ZSCAN20: variants seen among roughly 807,000 people sequenced by gnomAD.
ZSCAN20 encodes zinc finger and SCAN domain containing 20, also known as zinc finger and SCAN domain-containing protein 20.
Under a neutral mutation model 97.1 loss-of-function variants are expected in ZSCAN20, and 39 were observed. That is an observed-to-expected ratio of 0.40 (90% CI 0.31 to 0.52). The LOEUF is 0.52. Ranked by LOEUF, ZSCAN20 falls within the 20% of genes least tolerant of loss-of-function variation. ZSCAN20 has a pLI of 0.49. For missense variants in ZSCAN20, 1,115 were observed against 1,290.4 expected (o/e 0.86, Z 2.08); for synonymous variants, 456 against 467.3 (o/e 0.98, Z 0.31).
rs550161988 is a variant in ZSCAN20, at chr1:33,500,945, C to T, written c.*5469C>T. On this transcript the variant is annotated 3_prime_UTR_variant, in exon 8 of 8. Transcript: ENST00000684572. ...GCACAAAGGAGAAAGGAGTCTTCTC[C>T]TTCCACATAGAACACACTTGGCTTC... is the stretch of plus-strand genomic sequence containing the variant. 1.2e-4 allele frequency among the ~76,000 whole-genome samples: 17 copies of T among 147,092 alleles called. No homozygotes were observed. Among genetic ancestry groups the T allele is most frequent in the African/African-American group, 3.5e-4 (13 of 36,758 alleles).
Position 33,493,210 on chromosome 1 carries a change from G to A in ZSCAN20, c.1468G>A (p.Glu490Lys). ...AGCAGGTGTGCACTGGGGCTATGAG[G>A]AGACCAAGGCCTTCCTGGCAATTCT... ...RIAGVHWGYE[E>K]TKAFLAILSE... The change falls in exon 7 of 8, where the codon GAG becomes AAG. Residue 490 changes from glutamate (E) to lysine (K), a missense_variant. Around this residue, in one of 3 missense-constraint regions of ZSCAN20, gnomAD observed 508 missense variants for 611.2 expected, o/e 0.83. Transcript: ENST00000684572. The surrounding 1 kb of genome is among the most constrained non-coding windows in gnomAD (Gnocchi z 4.3). 6.2e-7 allele frequency: 1 copy of A among 1,614,084 alleles called. No individual in the cohort carries two copies. The highest frequency in any genetic ancestry group is 8.5e-7 in the Non-Finnish European group (1 of 1,179,972).
At chr1:33,489,255 T>G in intron 4 of ZSCAN20, 64 bp downstream of exon 4, 2 of 1,518,510 alleles carry the variant, frequency 1.3e-6, no homozygotes, top group Non-Finnish European at 1.8e-6. Context: ...CCCCACAGTG[T>G]TCCTCCTCTC....
At position 33,491,806 on chromosome 1, in the gene ZSCAN20, C is replaced by CACT; in HGVS notation, c.1444+106_1444+108dup. On this transcript the variant is annotated intron_variant, in intron 6 of 7. Coordinates refer to ENST00000684572, the MANE Select transcript of ZSCAN20 (RefSeq NM_001377376.1). The surrounding 1 kb of genome is among the most constrained non-coding windows in gnomAD (Gnocchi z 4.3). ...ACAGGCTGCAAGTCTGGATTGAAGCCACTAGAGTGAAGAGCTACATTCCTT... is the reference window on the plus strand; with the variant it reads ...ACAGGCTGCAAGTCTGGATTGAAGCCACTACTAGAGTGAAGAGCTACATTCCTT... 8.2e-7 allele frequency: 1 copy of CACT among 1,218,532 alleles called. No individual in the cohort carries two copies. The highest frequency in any genetic ancestry group is 1.1e-6 in the Non-Finnish European group (1 of 883,812). 75.5% of individuals were successfully genotyped at this position (1,218,532 alleles called of 1,614,324 possible). A position where few individuals can be genotyped will look rare whatever the true frequency, so the allele number is the denominator to read the frequency against.
intron 5 of ZSCAN20, among the ~76,000 whole-genome samples, 176 bp from the exon 6 acceptor site, chr1:33,490,849 A>T (rs191398808): frequency 2.0e-5 from 3 of 152,194 alleles, no homozygotes; most frequent in African/African-American, 7.2e-5. Context: ...AACATTTCTC[A>T]TATATTGGTC....
In ZSCAN20 at chr1:33,496,848, G is replaced by T. The variant is rs1652880198; in HGVS notation, c.*1372G>T. Among the ~76,000 whole-genome samples the T allele has an allele frequency of 6.6e-6, 1 of 152,194 alleles. No individual in the cohort carries two copies. Among genetic ancestry groups the T allele is most frequent in the African/African-American group, 2.4e-5 (1 of 41,436 alleles). On this transcript the variant is annotated 3_prime_UTR_variant, in exon 8 of 8. Coordinates refer to ENST00000684572, the MANE Select transcript of ZSCAN20 (RefSeq NM_001377376.1). ...GTCCCAGGCCTGCCCAGGGCTTTCT[G>T]TATGTTGACCCTTAAGACTCACCTC...
At chr1:33,484,542 A>G (rs1350533717) in intron 2 of ZSCAN20, among the ~76,000 whole-genome samples, 5 of 151,350 alleles carry the variant, frequency 3.3e-5, no homozygotes, top group African/African-American at 4.9e-5. Flanking sequence ...GATAAATACC[A>G]CTTGGTTGTG....
Position 33,491,828 on chromosome 1 carries a change from C to T in ZSCAN20, c.1444+126C>T. 1 of 927,366 alleles carries T rather than the reference C, an allele frequency of 1.1e-6. No homozygotes were observed. The highest frequency in any genetic ancestry group is 2.8e-5 in the Admixed American group (1 of 35,506). 57.4% of individuals were successfully genotyped at this position (927,366 alleles called of 1,614,324 possible). ...AGCCACTAGAGTGAAGAGCTACATT[C>T]CTTAGGTCATCCTCAAACTCCAACT... On this transcript the variant is annotated intron_variant, in intron 6 of 7. Transcript: ENST00000684572. This position sits in a 1 kb window ranked among gnomAD's most constrained non-coding sequence, Gnocchi z 4.3.
chr1:33,492,331 TC>T (rs1389724709), intron 6 of ZSCAN20: 4 of 152,248 alleles, frequency 2.6e-5, no homozygotes, highest in Non-Finnish European at 5.9e-5. Context: ...TACATCACTT[TC>T]CTGCAGAGGA....
rs199916283 is a variant in ZSCAN20, at chr1:33,494,593, G to T, written c.2249G>T (p.Arg750Leu). Residue 750 changes from arginine (R) to leucine (L), a missense_variant, in exon 8 of 8, where the codon CGC becomes CTC. Physicochemically the swap from Arg to Leu is moderately radical, Grantham distance 102. Transcript: ENST00000684572. ...CLECGKNFSDRSNLNTHQRIH... is the reference protein window; with the variant it reads ...CLECGKNFSDLSNLNTHQRIH... ...GAATGTGGAAAAAACTTTAGTGACCGCTCTAACCTCAATACCCATCAGAGA... is the reference window on the plus strand; with the variant it reads ...GAATGTGGAAAAAACTTTAGTGACCTCTCTAACCTCAATACCCATCAGAGA... 5 of 1,613,878 alleles carry T rather than the reference G, an allele frequency of 3.1e-6. No individual in the cohort carries two copies. The highest frequency in any genetic ancestry group is 4.2e-6 in the Non-Finnish European group (5 of 1,179,828).
At position 33,491,477 on chromosome 1, in the gene ZSCAN20, G is replaced by A. The variant is rs1652607109; in HGVS notation, c.1219G>A (p.Ala407Thr). 3 of 1,614,134 alleles carry A rather than the reference G, an allele frequency of 1.9e-6. No individual in the cohort carries two copies. The highest frequency in any genetic ancestry group is 2.5e-6 in the Non-Finnish European group (3 of 1,180,016). The change falls in exon 6 of 8, where the codon GCC becomes ACC. Residue 407 changes from alanine (A) to threonine (T), a missense_variant. Physicochemically the swap from Ala to Thr is moderately conservative, Grantham distance 58 (BLOSUM62 0). Coordinates refer to ENST00000684572, the MANE Select transcript of ZSCAN20 (RefSeq NM_001377376.1). The surrounding 1 kb of genome is among the most constrained non-coding windows in gnomAD (Gnocchi z 4.3). ...GTCPFYEELE[A>T]LVRARTAIRA... Reference sequence around the variant, plus strand: ...CTGCCCCTTCTATGAGGAGCTGGAGGCCCTGGTCAGGGCTCGGACAGCCAT... The same window carrying A: ...CTGCCCCTTCTATGAGGAGCTGGAGACCCTGGTCAGGGCTCGGACAGCCAT...
chr1:33,492,930 T>C (rs1652683926), intron 6 of ZSCAN20, among the ~76,000 whole-genome samples: 1 of 152,110 alleles, frequency 6.6e-6, no homozygotes, highest in Non-Finnish European at 1.5e-5. Flanking sequence ...ATAATTGATA[T>C]AACATGGCTA....
chr1:33,488,441 G>A (rs1313781451), intron 2 of ZSCAN20, 24 bp from the exon 3 acceptor site: 1 of 1,605,984 alleles, frequency 6.2e-7, no homozygotes, highest in African/African-American at 1.3e-5. Flanking sequence ...TTGTTGATTG[G>A]GAATTTTGAC....
chr1:33,473,265 C>T (rs1651797749), intron 1 of ZSCAN20, among the ~76,000 whole-genome samples: 1 of 152,154 alleles, frequency 6.6e-6, no homozygotes, highest in Non-Finnish European at 1.5e-5. Flanking sequence ...TACTTACCCA[C>T]TGATTCCTCT....
Position 33,493,475 on chromosome 1 carries a change from T to C in ZSCAN20, c.1733T>C (p.Met578Thr). 6.2e-7 allele frequency: 1 copy of C among 1,614,176 alleles called. No homozygotes were observed. The highest frequency in any genetic ancestry group is 8.5e-7 in the Non-Finnish European group (1 of 1,180,028). ...AGGGCTCGGGCTGCAGTCAGGGCCA[T>C]GGGGACTGTCCGAGAGGCTGCAGGT... The part of the protein sequence containing the change: ...LMRARAAVRA[M>T]GTVREAAGLP... Residue 578 changes from methionine (M) to threonine (T), a missense_variant, in exon 7 of 8, where the codon ATG becomes ACG. By Grantham distance (81) the Met-to-Thr change is moderately conservative (BLOSUM62 -1). Coordinates refer to ENST00000684572, the MANE Select transcript of ZSCAN20 (RefSeq NM_001377376.1). This position sits in a 1 kb window ranked among gnomAD's most constrained non-coding sequence, Gnocchi z 4.3.
intron 4 of ZSCAN20, 57 bp from the exon 5 acceptor site, chr1:33,489,461 C>T: frequency 6.4e-7 from 1 of 1,566,780 alleles, no homozygotes; most frequent in Non-Finnish European, 8.8e-7. Flanking sequence ...GCTAGGGTTC[C>T]TAGGCTGTTG....
intron 1 of ZSCAN20, among the ~76,000 whole-genome samples, chr1:33,476,172 C>T (rs1180407392): frequency 2.0e-5 from 3 of 152,190 alleles, no homozygotes; most frequent in African/African-American, 7.2e-5. Flanking sequence ...TATTCCTGGT[C>T]ATCTCGGAAC....
In ZSCAN20 at chr1:33,498,010, G is replaced by T. The variant is rs1381571913; in HGVS notation, c.*2534G>T. 6.6e-6 allele frequency among the ~76,000 whole-genome samples: 1 copy of T among 152,178 alleles called. No individual in the cohort carries two copies. The highest frequency in any genetic ancestry group is 1.5e-5 in the Non-Finnish European group (1 of 68,036). Reference sequence around the variant, plus strand: ...CGAAGTAGTTAAACTAATGAGAAAGGAAGAATTTCAGTTTCAAATATTGGG... The same window carrying T: ...CGAAGTAGTTAAACTAATGAGAAAGTAAGAATTTCAGTTTCAAATATTGGG... On this transcript the variant is annotated 3_prime_UTR_variant, in exon 8 of 8. Transcript: ENST00000684572.
chr1:33,483,372 A>G (rs1652228821), intron 2 of ZSCAN20, among the ~76,000 whole-genome samples: 1 of 151,682 alleles, frequency 6.6e-6, no homozygotes, highest in African/African-American at 2.4e-5. Flanking sequence ...ATGTGGGACT[A>G]TTTCTGGGGT....
chr1:33,492,398 C>T (rs1303731268), intron 6 of ZSCAN20: 2 of 152,220 alleles, frequency 1.3e-5, no homozygotes, highest in Admixed American at 6.5e-5. Flanking sequence ...AGTGTGTCCT[C>T]ATTTGGCCTT....
Sources: allele counts gnomAD v4.1 joint callset (sites outside exome capture counted in the v4.1 genomes callset), GRCh38; gene constraint gnomAD v4.1.1; regional missense constraint gnomAD v4.1.1; non-coding constraint Gnocchi (gnomAD v3.1); transcripts MANE v1.5; gene names NCBI Gene and HGNC (gene_info 2026-07-23, HGNC 2026-07-21).